The following CREBBP variants were observed in gnomAD, a reference collection of about 807,000 sequenced individuals.
CREBBP encodes the protein CREB binding lysine acetyltransferase.
A neutral mutation model predicts 265.0 loss-of-function variants in CREBBP; 19 were observed. The observed-to-expected ratio is 0.07, with a 90% CI of 0.05 to 0.11. CREBBP has a LOEUF of 0.11. CREBBP is among the 10% of genes least tolerant of loss of function. The probability of loss-of-function intolerance (pLI) is 1.00; values close to 1 mark genes in which losing one functional copy is unlikely to be tolerated. For missense variants in CREBBP, 2,525 were observed against 3,219.0 expected (o/e 0.78, Z 5.22); for synonymous variants, 1,457 against 1,223.7 (o/e 1.19, Z -3.98).
chr16:3,749,020 G>C (rs1397033613), intron 21 of CREBBP, among the ~76,000 whole-genome samples: 1 of 152,152 alleles, frequency 6.6e-6, no homozygotes, highest in African/African-American at 2.4e-5. Flanking sequence ...GGTGGTGGGC[G>C]CCTGTAGTCC....
rs371549298 is a variant in CREBBP, at chr16:3,879,930, C to T, written c.-14G>A. 1.4e-5 allele frequency: 22 copies of T among 1,609,420 alleles called. No individual in the cohort carries two copies. Among genetic ancestry groups the T allele is most frequent in the Non-Finnish European group, 1.8e-5 (21 of 1,178,104 alleles). On this transcript the variant is annotated 5_prime_UTR_variant, in exon 1 of 31. Transcript: ENST00000262367. ...GTTCTCAGCCATTTTCACCTGCTCG[C>T]GAAAACAGCCCCGGGCACGGGCGGC...
intron 2 of CREBBP, among the ~76,000 whole-genome samples, chr16:3,845,312 G>T (rs566737387): frequency 6.6e-6 from 1 of 152,222 alleles, no homozygotes; most frequent in East Asian, 1.9e-4. Flanking sequence ...AACTAGTGAG[G>T]TCATATACTA....
At chr16:3,739,346 C>T (rs528625995) in intron 25 of CREBBP, 5 of 567,496 alleles carry the variant, frequency 8.8e-6, no homozygotes, top group East Asian at 6.2e-5. Context: ...TAGGTAAGAG[C>T]GGGTCCCACA....
At chr16:3,865,752 C>A (rs1371310203) in intron 1 of CREBBP, among the ~76,000 whole-genome samples, 1 of 152,092 alleles carries the variant, frequency 6.6e-6, no homozygotes, top group African/African-American at 2.4e-5. Context: ...AATTCTCCTG[C>A]CTCAGCCTCC....
chr16:3,738,612 T>A lies in CREBBP; in HGVS notation c.4341A>T (p.Thr1447=), dbSNP rs2151334242. 1 of 1,614,130 alleles carries A rather than the reference T, an allele frequency of 6.2e-7. No homozygotes were observed. Among genetic ancestry groups the A allele is most frequent in the Non-Finnish European group, 8.5e-7 (1 of 1,179,938 alleles). The part of the protein sequence containing the change: ...IHFFRPRCLR[T]AVYHEILIGY... ...CAATAAGGATCTCATGGTAAACGGC[T>A]GTGCGGAGGCAACGTGGCCGGAAGA... Residue 1447 remains threonine, a synonymous_variant, in exon 26 of 31, where the codon ACA becomes ACT. Transcript: ENST00000262367.
intron 4 of CREBBP, among the ~76,000 whole-genome samples, chr16:3,792,993 G>T (rs1178962710): frequency 6.6e-6 from 1 of 152,248 alleles, no homozygotes; most frequent in African/African-American, 2.4e-5. Flanking sequence ...TGGGATGCAG[G>T]AAGGGCGTGT....
In CREBBP at chr16:3,854,067, T is replaced by G. The variant is rs1230590924; in HGVS notation, c.86-3058A>C. Among the ~76,000 whole-genome samples the G allele has an allele frequency of 2.0e-5, 3 of 152,308 alleles. No individual in the cohort carries two copies. The East Asian group carries it at 5.8e-4, about 29-fold the overall frequency. ...TCACCCAATACCCCTGGCCCCATGCTGCTGGCAACACCCACATGATCTGAA... is the reference window on the plus strand; with the variant it reads ...TCACCCAATACCCCTGGCCCCATGCGGCTGGCAACACCCACATGATCTGAA... On this transcript the variant is annotated intron_variant, in intron 1 of 30. Coordinates refer to ENST00000262367, the MANE Select transcript of CREBBP (RefSeq NM_004380.3).
chr16:3,853,483 A>G (rs28366829), intron 1 of CREBBP, among the ~76,000 whole-genome samples: 13,982 of 151,704 alleles, frequency 0.092, 1,831 homozygotes, highest in African/African-American at 0.29. Flanking sequence ...GGTGGCAGGC[A>G]CCTGTAGTCC....
rs757578450 is a variant in CREBBP, at chr16:3,778,014, G to C, written c.2110C>G (p.Pro704Ala). ...CAGTAGGAAATAAAATCCTTACTTG[G>C]AGGTCTCACAGGTTGTGCCTGTGGA... is the stretch of plus-strand genomic sequence containing the variant. ...VIPQAQPVRP[P>A]NGPLSLPVNR... The change falls in exon 10 of 31, where the codon CCA becomes GCA. Residue 704 changes from proline (P) to alanine (A), a missense_variant. By Grantham distance (27) the Pro-to-Ala change is conservative (BLOSUM62 -1). This residue lies in a region of CREBBP where 548 missense variants were observed against 533.0 expected (regional missense o/e 1.03). Transcript: ENST00000262367. 1 of 1,614,212 alleles carries C rather than the reference G, an allele frequency of 6.2e-7. No homozygotes were observed. The highest frequency in any genetic ancestry group is 1.1e-5 in the South Asian group (1 of 91,086).
chr16:3,821,987 G>A (rs116889738), intron 2 of CREBBP, among the ~76,000 whole-genome samples: 1 of 152,134 alleles, frequency 6.6e-6, no homozygotes, highest in East Asian at 1.9e-4. Flanking sequence ...CCTGGGAGTA[G>A]GAGGTTGCAG....
rs754064065 is a variant in CREBBP, at chr16:3,740,383, G to C, written c.4133+16C>G. On this transcript the variant is annotated intron_variant, in intron 24 of 30. Transcript: ENST00000262367. ...GGGACTGCTCGCAGAGCACTGTAGA[G>C]AGCAGGCACACTGACCGTGACTTCA... The C allele has an allele frequency of 6.8e-6, 11 of 1,614,086 alleles. No homozygotes were observed. The highest frequency in any genetic ancestry group is 5.0e-5 in the Admixed American group (3 of 60,022).
At chr16:3,730,982 G>A (rs1011665129) in intron 30 of CREBBP, among the ~76,000 whole-genome samples, 1 of 152,244 alleles carries the variant, frequency 6.6e-6, no homozygotes, top group African/African-American at 2.4e-5. Context: ...GCCGTCCCCA[G>A]GGTCAGGCCT....
intron 2 of CREBBP, among the ~76,000 whole-genome samples, chr16:3,842,027 A>AG (rs534677891): frequency 2.0e-5 from 3 of 152,188 alleles, no homozygotes; most frequent in African/African-American, 7.2e-5. Flanking sequence ...CTTTTACTCC[A>AG]GGAACACCTC....
chr16:3,731,671 C>T lies in CREBBP; in HGVS notation c.4890+105G>A. On this transcript the variant is annotated intron_variant, in intron 29 of 30. Coordinates refer to ENST00000262367, the MANE Select transcript of CREBBP (RefSeq NM_004380.3). The surrounding 1 kb of genome is among the most constrained non-coding windows in gnomAD (Gnocchi z 7.7). Reference sequence around the variant, plus strand: ...GGTCCACTTGGTTTCCTGGGGGCCACTTCCCTCCCACCACAGACCTGCACA... The same window carrying T: ...GGTCCACTTGGTTTCCTGGGGGCCATTTCCCTCCCACCACAGACCTGCACA... The T allele has an allele frequency of 6.5e-7, 1 of 1,539,186 alleles. No homozygotes were observed. Among genetic ancestry groups the T allele is most frequent in the Non-Finnish European group, 9.0e-7 (1 of 1,115,850 alleles).
intron 16 of CREBBP, chr16:3,767,399 A>G (rs1477838439): frequency 4.8e-6 from 2 of 418,916 alleles, no homozygotes; most frequent in Non-Finnish European, 8.6e-6. Context: ...TTATGAGTAA[A>G]GCCAAGCTCC....
chr16:3,850,453 C>G lies in CREBBP; in HGVS notation c.642G>C (p.Gly214=). 1.9e-6 allele frequency: 3 copies of G among 1,614,228 alleles called. No homozygotes were observed. The highest frequency in any genetic ancestry group is 2.5e-6 in the Non-Finnish European group (3 of 1,180,048). Residue 214 remains glycine (G), a synonymous_variant, in exon 2 of 31, where the codon GGG becomes GGC. Coordinates refer to ENST00000262367, the MANE Select transcript of CREBBP (RefSeq NM_004380.3). ...GQAQVMNGSL[G]AAGRGRGAGM... ...CAGCTCCCCTTCCTCTGCCAGCAGC[C>G]CCAAGAGATCCATTCATGACTTGCG... is the stretch of plus-strand genomic sequence containing the variant.
In CREBBP at chr16:3,871,195, TCACTCACACA is replaced by T. The variant is rs1320084594; in HGVS notation, c.85+8627_85+8636del. ...AGAGATCTCTCTCTCTCTCTCTCTC[TCACTCACACA>T]CACACACACACACACACACACACAC... On this transcript the variant is annotated intron_variant, in intron 1 of 30. Coordinates refer to ENST00000262367, the MANE Select transcript of CREBBP (RefSeq NM_004380.3). Among the ~76,000 whole-genome samples, 55 of 79,208 alleles carry T rather than the reference TCACTCACACA, an allele frequency of 6.9e-4. 1 individual carries two copies. The South Asian group carries it at 0.011, about 15-fold the overall frequency. The allele number at this position is 79,208 out of a possible 152,430, so 52.0% of individuals were successfully genotyped here. A position where few individuals can be genotyped will look rare whatever the true frequency, so the allele number is the denominator to read the frequency against.
At chr16:3,776,899 T>C (rs1345972545) in intron 11 of CREBBP, among the ~76,000 whole-genome samples, 2 of 151,794 alleles carry the variant, frequency 1.3e-5, no homozygotes, top group African/African-American at 4.8e-5. Flanking sequence ...GTGCCTGTAG[T>C]CTCAGCTACT....
chr16:3,877,426 A>G (rs2055425860), intron 1 of CREBBP, among the ~76,000 whole-genome samples: 1 of 152,212 alleles, frequency 6.6e-6, no homozygotes, highest in South Asian at 2.1e-4. Flanking sequence ...TTTTGGAGAC[A>G]GCGTCTCACT....
Sources: gnomAD v4.1 joint callset for allele counts (sites outside exome capture counted in the v4.1 genomes callset) on GRCh38, gnomAD v4.1.1 for gene constraint, gnomAD v4.1.1 regional missense constraint, Gnocchi (gnomAD v3.1) non-coding constraint, MANE v1.5 for transcripts, NCBI Gene and HGNC (gene_info 2026-07-23, HGNC 2026-07-21) for gene names.